The following ROS1 variants were observed in gnomAD, a reference collection of about 807,000 sequenced individuals.
The protein encoded by ROS1 is ROS proto-oncogene 1, receptor tyrosine kinase.
A neutral mutation model predicts 273.5 loss-of-function variants in ROS1; 263 were observed. The observed-to-expected ratio is 0.96, with a 90% CI of 0.87 to 1.06. The LOEUF (loss-of-function observed/expected upper bound fraction) is 1.06. ROS1 is among the 50% of genes least tolerant of loss of function. The probability of loss-of-function intolerance (pLI) is 0.00; values close to 1 mark genes in which losing one functional copy is unlikely to be tolerated. For missense variants in ROS1, 2,833 were observed against 2,751.1 expected, an observed-to-expected ratio of 1.03 and a Z score of -0.67; for synonymous variants, 1,008 against 954.1, an observed-to-expected ratio of 1.06 and a Z score of -1.04.
intron 27 of ROS1, among the ~76,000 whole-genome samples, chr6:117,351,789 G>T (rs1433364844): frequency 6.6e-6 from 1 of 152,012 alleles, no homozygotes; most frequent in Non-Finnish European, 1.5e-5. Flanking sequence ...TGGGTGGAGT[G>T]GCAATTTCTA....
chr6:117,406,023 C>T (rs910368424), intron 5 of ROS1, among the ~76,000 whole-genome samples: 17 of 152,064 alleles, frequency 1.1e-4, no homozygotes, highest in African/African-American at 3.6e-4. Context: ...CATGGTGGCT[C>T]ATGCCTAGCT....
rs2128621301 is a variant in ROS1, at chr6:117,341,133, A to T, written c.5061+2T>A. On this transcript the variant is annotated splice_donor_variant, in intron 31 of 43. Coordinates refer to ENST00000368507, the MANE Select transcript of ROS1 (RefSeq NM_001378902.1). LOFTEE classifies it high-confidence loss of function. ...AAATAAAGACTTGCATTAAAAGTCT[A>T]CCTTCTGTAGCTCAACCCAAAATCT... is the stretch of plus-strand genomic sequence containing the variant. The T allele has an allele frequency of 1.3e-6, 2 of 1,595,474 alleles. No homozygotes were observed. Among genetic ancestry groups the T allele is most frequent in the Middle Eastern group, 1.7e-4 (1 of 5,938 alleles).
chr6:117,298,336 T>TATCCAAAA (rs1403461136), intron 43 of ROS1, among the ~76,000 whole-genome samples: 4 of 152,240 alleles, frequency 2.6e-5, no homozygotes, highest in Admixed American at 2.6e-4. Flanking sequence ...CATAAATTTA[T>TATCCAAAA]TTTAAAAAAA....
intron 41 of ROS1, 146 bp downstream of exon 41, chr6:117,309,935 A>G (rs1168578677): frequency 1.4e-6 from 1 of 722,680 alleles, no homozygotes; most frequent in Non-Finnish European, 2.4e-6. Flanking sequence ...TTGACCACCA[A>G]CTCTCACTTT....
Position 117,425,639 on chromosome 6 carries a change from A to G in ROS1, c.18T>C (p.Cys6=). Residue 6 remains cysteine (C), a synonymous_variant, in exon 1 of 44, where the codon TGT becomes TGC. Coordinates refer to ENST00000368507, the MANE Select transcript of ROS1 (RefSeq NM_001378902.1). ...CAAAATTGACAAGCTTCGGAATAAG[A>G]CAGTAAATGTTCTTCATCACTTCAC... is the stretch of plus-strand genomic sequence containing the variant. The part of the protein sequence containing the change: MKNIY[C]LIPKLVNFAT... 1 of 1,611,904 alleles carries G rather than the reference A, an allele frequency of 6.2e-7. No homozygotes were observed. Among genetic ancestry groups the G allele is most frequent in the Non-Finnish European group, 8.5e-7 (1 of 1,179,180 alleles).
intron 7 of ROS1, among the ~76,000 whole-genome samples, chr6:117,397,386 C>G (rs1469152931): frequency 6.6e-6 from 1 of 151,818 alleles, no homozygotes; most frequent in Non-Finnish European, 1.5e-5. Flanking sequence ...AATAATGGCC[C>G]TTTTAAAAAA....
intron 4 of ROS1, among the ~76,000 whole-genome samples, chr6:117,410,489 A>C (rs1268285962): frequency 6.6e-6 from 1 of 152,182 alleles, no homozygotes; most frequent in Non-Finnish European, 1.5e-5. Flanking sequence ...TTTACATTTT[A>C]TCTCATTAAT....
chr6:117,350,170 C>A (rs1335676418), intron 27 of ROS1, among the ~76,000 whole-genome samples: 3 of 152,012 alleles, frequency 2.0e-5, no homozygotes, highest in Non-Finnish European at 4.4e-5. Context: ...TCTTCCAAAG[C>A]AGGTCTACTG....
rs1562321708 is a variant in ROS1, at chr6:117,366,240, A to G, written c.2633T>C (p.Ile878Thr). ...TEFAAWSTSE[I>T]SQNALMYYSG... is the part of the protein sequence containing the mutation. The stretch of plus-strand genomic sequence containing the variant: ...ATAGTACATCAGTGCATTCTGGGAA[A>G]TTTCAGAAGTACTCCAGGCTGCAAA... The change falls in exon 19 of 44, where the codon ATT becomes ACT. Residue 878 changes from isoleucine (I) to threonine (T), a missense_variant. Transcript: ENST00000368507. 6.2e-7 allele frequency: 1 copy of G among 1,614,112 alleles called. No homozygotes were observed. The highest frequency in any genetic ancestry group is 8.5e-7 in the Non-Finnish European group (1 of 1,179,996).
Position 117,326,369 on chromosome 6 carries a change from C to T in ROS1, c.5394G>A (p.Lys1798=), listed in dbSNP as rs2128582209. 3.8e-6 allele frequency: 6 copies of T among 1,565,542 alleles called. No individual in the cohort carries two copies. Among genetic ancestry groups the T allele is most frequent in the Non-Finnish European group, 5.2e-6 (6 of 1,164,064 alleles). ...TACTGCAGGATCCATTAAATGTCAT[C>T]TTCCACCTTAAATTCTGGTTCTGTA... The part of the protein sequence containing the change: ...NNLQNQNLRW[K]MTFNGSCSSV... Residue 1798 remains lysine, a synonymous_variant, in exon 34 of 44, where the codon AAG becomes AAA. Transcript: ENST00000368507.
At chr6:117,360,240 A>AG (rs1779675488) in intron 23 of ROS1, 102 bp downstream of exon 23, 1 of 922,420 alleles carries the variant, frequency 1.1e-6, no homozygotes, top group African/African-American at 1.7e-5. Context: ...TTTAGCAAAG[A>AG]GACAGTGTTC....
chr6:117,360,537 T>C (rs1779715490), intron 22 of ROS1, 132 bp from the exon 23 acceptor site: 1 of 578,480 alleles, frequency 1.7e-6, no homozygotes, highest in Non-Finnish European at 3.0e-6. Flanking sequence ...CAAATAGTTA[T>C]TGACATTAAT....
intron 12 of ROS1, among the ~76,000 whole-genome samples, chr6:117,391,677 A>T (rs1773080119): frequency 6.6e-6 from 1 of 152,172 alleles, no homozygotes; most frequent in Non-Finnish European, 1.5e-5. Flanking sequence ...CTCTCCTATC[A>T]TGGTATAGAG....
At chr6:117,418,589 G>A in intron 1 of ROS1, 83 bp from the exon 2 acceptor site, 1 of 1,006,328 alleles carries the variant, frequency 9.9e-7, no homozygotes, top group Non-Finnish European at 1.4e-6. Flanking sequence ...AAAGCTTCCT[G>A]AAATAACGTT....
At chr6:117,361,286 T>A (rs915143481) in intron 22 of ROS1, among the ~76,000 whole-genome samples, 1 of 151,936 alleles carries the variant, frequency 6.6e-6, no homozygotes, top group Admixed American at 6.6e-5. Flanking sequence ...AAAATTGACA[T>A]CTATAATGGT....
At chr6:117,384,364 A>C (rs1200898862) in intron 16 of ROS1, among the ~76,000 whole-genome samples, 1 of 152,172 alleles carries the variant, frequency 6.6e-6, no homozygotes, top group Non-Finnish European at 1.5e-5. Flanking sequence ...CACACTAAAA[A>C]ATCTCTGAAT....
chr6:117,334,889 T>A (rs1214193658), intron 32 of ROS1, among the ~76,000 whole-genome samples: 1 of 152,114 alleles, frequency 6.6e-6, no homozygotes, highest in African/African-American at 2.4e-5. Context: ...ATAAAAACCC[T>A]AGAAGAAAAC....
intron 34 of ROS1, 129 bp downstream of exon 34, chr6:117,326,095 A>ATATATATATATATT (rs1180575086): frequency 2.8e-4 from 10 of 35,496 alleles, no homozygotes; most frequent in African/African-American, 9.0e-4. Context: ...ATAAGATTAT[A>ATATATATATATATT]TATATATATA....
chr6:117,294,031 A>G (rs1774029249), intron 43 of ROS1, among the ~76,000 whole-genome samples: 4 of 152,232 alleles, frequency 2.6e-5, no homozygotes. Flanking sequence ...ATGATACATT[A>G]CATCAACAGA....
Sources: allele counts gnomAD v4.1 joint callset (sites outside exome capture counted in the v4.1 genomes callset), GRCh38; gene constraint gnomAD v4.1.1; transcripts MANE v1.5; gene names NCBI Gene and HGNC (gene_info 2026-07-23, HGNC 2026-07-21).